The following TMEM272 variants were observed in gnomAD, a reference collection of about 807,000 sequenced individuals.
The protein encoded by TMEM272 is transmembrane protein 272, also known as long intergenic non-protein coding RNA 282.
In TMEM272, 8 loss-of-function variants were observed where a neutral mutation model predicts 3.7. The observed-to-expected ratio is 2.17, with a 90% CI of 1.27 to 3.91. The LOEUF (loss-of-function observed/expected upper bound fraction) is 3.91, where lower values mean the gene tolerates loss of function less well. TMEM272 is among the 30% of genes most tolerant of loss of function. The pLI, the probability that TMEM272 is intolerant of heterozygous loss-of-function variation, is 0.00. For synonymous variants in TMEM272, 63 were observed against 39.8 expected, an observed-to-expected ratio of 1.58 and a Z score of -2.20; for missense variants, 166 against 91.5, an observed-to-expected ratio of 1.81 and a Z score of -3.32.
the TMEM272 span, among the ~76,000 whole-genome samples, chr13:51,893,056 G>A: frequency 3.3e-5 from 5 of 152,124 alleles, no homozygotes; most frequent in Non-Finnish European, 5.9e-5. Context: ...CATCCTTCAT[G>A]CTCCTTGAGT....
the TMEM272 span, among the ~76,000 whole-genome samples, chr13:51,888,421 C>T: frequency 2.0e-5 from 3 of 152,070 alleles, no homozygotes; most frequent in Non-Finnish European, 4.4e-5. Flanking sequence ...TCACATCAGT[C>T]CCCTCCATAA....
chr13:51,870,792 C>T, the TMEM272 span, among the ~76,000 whole-genome samples: 2 of 152,178 alleles, frequency 1.3e-5, 1 homozygote, highest in South Asian at 4.1e-4. Context: ...CTTCCTGAAG[C>T]ACGGGGATAG....
the TMEM272 span, among the ~76,000 whole-genome samples, chr13:51,931,420 G>A: frequency 2.8e-4 from 42 of 151,430 alleles, no homozygotes; most frequent in Non-Finnish European, 4.1e-4. Context: ...ATTCTCACTC[G>A]TAAGTGGGAG....
the TMEM272 span, among the ~76,000 whole-genome samples, chr13:51,886,695 G>T: frequency 8.1e-3 from 1,233 of 152,210 alleles, 28 homozygotes; most frequent in African/African-American, 0.028. Context: ...AAAGATTTGG[G>T]GCAGTATCTT....
the TMEM272 span, among the ~76,000 whole-genome samples, chr13:51,876,665 C>T: frequency 7.9e-3 from 1,208 of 152,200 alleles, 13 homozygotes; most frequent in Middle Eastern, 0.01. Context: ...GGTGAGCAAG[C>T]AGGTAATAGA....
At chr13:51,867,364 G>A in the TMEM272 span, among the ~76,000 whole-genome samples, 1 of 152,220 alleles carries the variant, frequency 6.6e-6, no homozygotes. Flanking sequence ...CTGTCTCTTG[G>A]TATTGTGGCC....
chr13:51,855,211 A>C, the TMEM272 span, among the ~76,000 whole-genome samples: 1 of 152,252 alleles, frequency 6.6e-6, no homozygotes, highest in Non-Finnish European at 1.5e-5. Context: ...TCTGAAAAAC[A>C]TCACAAGCTT....
At chr13:51,848,454 T>C (rs1956317156), upstream of TMEM272, among the ~76,000 whole-genome samples, 1 of 152,208 alleles carries the variant, frequency 6.6e-6, no homozygotes, top group Admixed American at 6.5e-5. Flanking sequence ...ATTCAGAGTA[T>C]AAATTTTTAA....
intron 3 of TMEM272, among the ~76,000 whole-genome samples, chr13:51,822,449 A>T (rs1388128545): frequency 6.6e-6 from 1 of 152,202 alleles, no homozygotes; most frequent in Non-Finnish European, 1.5e-5. Context: ...TAGCCAGTGT[A>T]TGAGAACTCA....
At chr13:51,869,409 C>T in the TMEM272 span, among the ~76,000 whole-genome samples, 3 of 152,262 alleles carry the variant, frequency 2.0e-5, no homozygotes, top group Non-Finnish European at 2.9e-5. Context: ...TAGCTCCACC[C>T]TTGTCCCTAA....
chr13:51,904,147 C>T, the TMEM272 span, among the ~76,000 whole-genome samples: 1 of 152,132 alleles, frequency 6.6e-6, no homozygotes, highest in Non-Finnish European at 1.5e-5. Context: ...GCATCAGAAT[C>T]AGCATGAGCT....
chr13:51,896,346 A>G, the TMEM272 span, among the ~76,000 whole-genome samples: 1 of 152,236 alleles, frequency 6.6e-6, no homozygotes, highest in African/African-American at 2.4e-5. Flanking sequence ...AGACAGAGAA[A>G]CACGTGTGTG....
chr13:51,910,675 C>A, the TMEM272 span: 24 of 443,698 alleles, frequency 5.4e-5, 1 homozygote, highest in South Asian at 4.8e-4. Context: ...GTCGAGGCCA[C>A]AATAAGCGGC....
At chr13:51,839,653 G>A (rs959031108) in intron 1 of TMEM272, among the ~76,000 whole-genome samples, 4 of 152,218 alleles carry the variant, frequency 2.6e-5, no homozygotes, top group Non-Finnish European at 5.9e-5. Flanking sequence ...CTTAGGGCAG[G>A]GGGAACAGGC....
intron 2 of TMEM272, among the ~76,000 whole-genome samples, chr13:51,832,039 T>G (rs1043565775): frequency 6.6e-6 from 1 of 152,202 alleles, no homozygotes; most frequent in Non-Finnish European, 1.5e-5. Context: ...AGAACACAGA[T>G]AGGCTGATTC....
At chr13:51,911,442 A>T in the TMEM272 span, among the ~76,000 whole-genome samples, 2 of 152,064 alleles carry the variant, frequency 1.3e-5, no homozygotes, top group African/African-American at 4.8e-5. Context: ...TCCATCAAAC[A>T]TACCTGCTCT....
chr13:51,888,479 A>G, the TMEM272 span, among the ~76,000 whole-genome samples: 1 of 152,070 alleles, frequency 6.6e-6, no homozygotes, highest in Non-Finnish European at 1.5e-5. Flanking sequence ...TTATATACCA[A>G]TATAGATGCA....
chr13:51,912,031 C>T, the TMEM272 span, among the ~76,000 whole-genome samples: 1 of 152,026 alleles, frequency 6.6e-6, no homozygotes, highest in Non-Finnish European at 1.5e-5. Flanking sequence ...TGAATGTCAC[C>T]TGTCAGTGTG....
At chr13:51,930,916 A>C in the TMEM272 span, among the ~76,000 whole-genome samples, 1 of 152,188 alleles carries the variant, frequency 6.6e-6, no homozygotes, top group Non-Finnish European at 1.5e-5. Flanking sequence ...CTAGCAGAAT[A>C]ATTTGAGAAT....
Sources: allele counts gnomAD v4.1 joint callset (sites outside exome capture counted in the v4.1 genomes callset), GRCh38; gene constraint gnomAD v4.1.1; transcripts MANE v1.5; gene names NCBI Gene and HGNC (gene_info 2026-07-23, HGNC 2026-07-21).